Variants in WDR33 observed in about 807,000 individuals in gnomAD.
WDR33 encodes pre-mRNA 3' end processing protein WDR33.
In WDR33, 47 loss-of-function variants were observed where a neutral mutation model predicts 164.9. That is an observed-to-expected ratio of 0.29 (90% CI 0.23 to 0.36). The LOEUF (loss-of-function observed/expected upper bound fraction) is 0.36, where lower values mean the gene tolerates loss of function less well. Ranked by LOEUF, WDR33 falls within the 10% of genes least tolerant of loss-of-function variation. The pLI, the probability that WDR33 is intolerant of heterozygous loss-of-function variation, is 1.00. For missense variants in WDR33, 1,137 were observed against 1,754.1 expected, an observed-to-expected ratio of 0.65 and a Z score of 6.28; for synonymous variants, 505 against 589.0, an observed-to-expected ratio of 0.86 and a Z score of 2.06.
intron 7 of WDR33, among the ~76,000 whole-genome samples, chr2:127,749,594 G>A (rs1267258686): frequency 3.3e-5 from 5 of 150,992 alleles, no homozygotes; most frequent in Non-Finnish European, 5.9e-5. Context: ...CCAGGGAGGC[G>A]GAGATTGCAG....
At chr2:127,758,655 G>A (rs917434959) in intron 7 of WDR33, among the ~76,000 whole-genome samples, 1 of 152,098 alleles carries the variant, frequency 6.6e-6, no homozygotes, top group Non-Finnish European at 1.5e-5. Context: ...GGCTGTGGGA[G>A]AAAATTAAAA....
Position 127,726,628 on chromosome 2 carries a change from A to G in WDR33, c.851+23T>C. The G allele has an allele frequency of 6.2e-7, 1 of 1,613,182 alleles. No individual in the cohort carries two copies. Among genetic ancestry groups the G allele is most frequent in the Non-Finnish European group, 8.5e-7 (1 of 1,179,522 alleles). ...CTTTGCTCCCCTTTGTTCAGGGGCC[A>G]AGGTGGGGTTCCTGTCACTTACAGT... On this transcript the variant is annotated intron_variant, in intron 8 of 21. Coordinates refer to ENST00000322313, the MANE Select transcript of WDR33 (RefSeq NM_018383.5). This position sits in a 1 kb window ranked among gnomAD's most constrained non-coding sequence, Gnocchi z 4.8.
Position 127,713,773 on chromosome 2 carries a change from G to C in WDR33, c.3118C>G (p.Pro1040Ala). 2 of 1,614,272 alleles carry C rather than the reference G, an allele frequency of 1.2e-6. No homozygotes were observed. Among genetic ancestry groups the C allele is most frequent in the Non-Finnish European group, 1.7e-6 (2 of 1,180,052 alleles). ...REFEGRGGPLPQEEKWRRGGP... is the reference protein window; with the variant it reads ...REFEGRGGPLAQEEKWRRGGP... ...CCTCGCCTCCACTTCTCTTCTTGCG[G>C]TAAAGGTCCTCCTCGCCCCTCAAAT... The change falls in exon 18 of 22, where the codon CCG becomes GCG. Residue 1040 changes from proline (P) to alanine (A), a missense_variant. By Grantham distance (27) the Pro-to-Ala change is conservative (BLOSUM62 -1). This residue lies in a region of WDR33 where 867 missense variants were observed against 1,073.0 expected (regional missense o/e 0.81). Transcript: ENST00000322313. This position sits in a 1 kb window ranked among gnomAD's most constrained non-coding sequence, Gnocchi z 6.2.
At chr2:127,731,594 A>G (rs987127721) in intron 7 of WDR33, among the ~76,000 whole-genome samples, 6 of 152,220 alleles carry the variant, frequency 3.9e-5, no homozygotes, top group African/African-American at 1.4e-4. Context: ...AATAACCTAA[A>G]CATGAATCAA....
Position 127,704,109 on chromosome 2 carries a change from G to A in WDR33, c.*2214C>T, listed in dbSNP as rs1358647587. The A allele has an allele frequency of 3.0e-5, 5 of 166,564 alleles. No individual in the cohort carries two copies. The highest frequency in any genetic ancestry group is 4.2e-4 in the South Asian group (2 of 4,804). The allele number at this position is 166,564 out of a possible 1,614,324, so 10.3% of individuals were successfully genotyped here. A position where few individuals can be genotyped will look rare whatever the true frequency, so the allele number is the denominator to read the frequency against. ...ACTGCACCACAGCCTAGGCAACAGCGAGACCTTGTCTCAAAAATTTTTTCT... is the reference window on the plus strand; with the variant it reads ...ACTGCACCACAGCCTAGGCAACAGCAAGACCTTGTCTCAAAAATTTTTTCT... On this transcript the variant is annotated 3_prime_UTR_variant, in exon 22 of 22. Coordinates refer to ENST00000322313, the MANE Select transcript of WDR33 (RefSeq NM_018383.5).
intron 1 of WDR33, among the ~76,000 whole-genome samples, chr2:127,794,929 C>T (rs1363169688): frequency 1.3e-5 from 2 of 151,010 alleles, no homozygotes; most frequent in Non-Finnish European, 2.9e-5. Context: ...GAGGCTGAGG[C>T]GGGAGGATCA....
rs1685928494 is a variant in WDR33 at position 127,702,900 on chromosome 2, A to G, written c.*3423T>C. 6.0e-6 allele frequency: 1 copy of G among 166,584 alleles called. No individual in the cohort carries two copies. The highest frequency in any genetic ancestry group is 2.1e-4 in the South Asian group (1 of 4,794). The allele number at this position is 166,584 out of a possible 1,614,324, so 10.3% of individuals were successfully genotyped here. A position where few individuals can be genotyped will look rare whatever the true frequency, so the allele number is the denominator to read the frequency against. ...CGGTCTCTTCGGAAATCCTGCAAAT[A>G]GAAAGATAATTCTAGATCCGGAATA... is the stretch of plus-strand genomic sequence containing the variant. On this transcript the variant is annotated 3_prime_UTR_variant, in exon 22 of 22. Coordinates refer to ENST00000322313, the MANE Select transcript of WDR33 (RefSeq NM_018383.5).
chr2:127,743,534 A>C (rs1203407628), intron 7 of WDR33, among the ~76,000 whole-genome samples: 1 of 152,182 alleles, frequency 6.6e-6, no homozygotes, highest in Non-Finnish European at 1.5e-5. Context: ...CATTGTTTAG[A>C]ATTTTAAAAT....
At chr2:127,756,382 AAAAAAAACC>A (rs1687521657) in intron 7 of WDR33, among the ~76,000 whole-genome samples, 1 of 151,918 alleles carries the variant, frequency 6.6e-6, no homozygotes, top group African/African-American at 2.4e-5. Flanking sequence ...TACTATGAAA[AAAAAAAACC>A]AAACCCAGTA....
At chr2:127,729,151 C>T (rs1686641669) in intron 7 of WDR33, among the ~76,000 whole-genome samples, 1 of 152,206 alleles carries the variant, frequency 6.6e-6, no homozygotes, top group Non-Finnish European at 1.5e-5. Flanking sequence ...AAAACGAATA[C>T]TAGCAAGCAC....
At chr2:127,758,124 T>C (rs529920873) in intron 7 of WDR33, among the ~76,000 whole-genome samples, 2 of 152,348 alleles carry the variant, frequency 1.3e-5, no homozygotes, top group South Asian at 4.1e-4. Flanking sequence ...ATAGCTGTGT[T>C]TTAATATTTT....
At position 127,714,960 on chromosome 2, in the gene WDR33, A is replaced by G. The variant is rs757461591; in HGVS notation, c.2870-939T>C. On this transcript the variant is annotated intron_variant, in intron 17 of 21. Transcript: ENST00000322313. This position sits in a 1 kb window ranked among gnomAD's most constrained non-coding sequence, Gnocchi z 4.3. ...GTGTTTTTAAAGTGAAATTCCTCCA[A>G]TAGCCCAGTTCATGCCTTTTACTGC... 2.0e-5 allele frequency among the ~76,000 whole-genome samples: 3 copies of G among 152,150 alleles called. No individual in the cohort carries two copies. Among genetic ancestry groups the G allele is most frequent in the Non-Finnish European group, 4.4e-5 (3 of 68,030 alleles).
At position 127,810,500 on chromosome 2, in the gene WDR33, A is replaced by G. The variant is rs573400976; in HGVS notation, c.-24+512T>C. ...GGGATCTAGCACAAACCAAATAGAA[A>G]TACAACTATTCCAAAAAAGCAGGGC... On this transcript the variant is annotated intron_variant, in intron 1 of 21. Transcript: ENST00000322313. Among the ~76,000 whole-genome samples the G allele has an allele frequency of 6.2e-4, 95 of 152,348 alleles. 1 individual carries two copies. The highest frequency in any genetic ancestry group is 5.7e-3 in the Admixed American group (87 of 15,306).
Position 127,723,361 on chromosome 2 carries a change from T to C in WDR33, c.1197-14A>G. The C allele has an allele frequency of 1.2e-6, 2 of 1,611,230 alleles. No individual in the cohort carries two copies. Among genetic ancestry groups the C allele is most frequent in the Non-Finnish European group, 1.7e-6 (2 of 1,178,188 alleles). On this transcript the variant is annotated splice_polypyrimidine_tract_variant and intron_variant, in intron 11 of 21. Coordinates refer to ENST00000322313, the MANE Select transcript of WDR33 (RefSeq NM_018383.5). This position sits in a 1 kb window ranked among gnomAD's most constrained non-coding sequence, Gnocchi z 5.9. ...GTCCAGAATTTGCTGTAAAAATAAT[T>C]AAAGGAGAAAAGAAGCATGGCTTCA...
At position 127,718,296 on chromosome 2, in the gene WDR33, C is replaced by T. The variant is rs1025234966; in HGVS notation, c.2760+969G>A. Among the ~76,000 whole-genome samples the T allele has an allele frequency of 5.3e-5, 8 of 152,118 alleles. No individual in the cohort carries two copies. Among genetic ancestry groups the T allele is most frequent in the Non-Finnish European group, 1.0e-4 (7 of 68,032 alleles). ...TTTCTACATCTGTAGCATCCCCTTT[C>T]TCCAAGTGTCTCAGGGAGTCAACAT... On this transcript the variant is annotated intron_variant, in intron 16 of 21. Coordinates refer to ENST00000322313, the MANE Select transcript of WDR33 (RefSeq NM_018383.5). The surrounding 1 kb of genome is among the most constrained non-coding windows in gnomAD (Gnocchi z 4.4).
intron 1 of WDR33, among the ~76,000 whole-genome samples, chr2:127,775,684 A>G (rs902248725): frequency 5.3e-5 from 8 of 152,234 alleles, no homozygotes; most frequent in African/African-American, 1.7e-4. Flanking sequence ...GGAATAATTC[A>G]CACGTTAAAG....
rs1017945871 is a variant in WDR33, at chr2:127,735,032, G to A, written c.725-8255C>T. On this transcript the variant is annotated intron_variant, in intron 7 of 21. Coordinates refer to ENST00000322313, the MANE Select transcript of WDR33 (RefSeq NM_018383.5). The surrounding 1 kb of genome is among the most constrained non-coding windows in gnomAD (Gnocchi z 4.3). The stretch of plus-strand genomic sequence containing the variant: ...AAGAATAACATGATAAATGGATTAG[G>A]TATTAGATATTTGGTGAACAGACAT... Among the ~76,000 whole-genome samples the A allele has an allele frequency of 6.6e-6, 1 of 152,188 alleles. No homozygotes were observed. The highest frequency in any genetic ancestry group is 2.4e-5 in the African/African-American group (1 of 41,440).
intron 7 of WDR33, among the ~76,000 whole-genome samples, chr2:127,747,394 T>A (rs1687196914): frequency 6.6e-6 from 1 of 151,966 alleles, no homozygotes; most frequent in South Asian, 2.1e-4. Flanking sequence ...TTATCCTCAG[T>A]TTGGTCCAAA....
intron 7 of WDR33, among the ~76,000 whole-genome samples, chr2:127,729,277 T>C (rs1423399779): frequency 1.3e-5 from 2 of 152,228 alleles, no homozygotes; most frequent in Non-Finnish European, 2.9e-5. Context: ...ACTGATGATA[T>C]GGGGCAGAGC....
Sources: allele counts gnomAD v4.1 joint callset (sites outside exome capture counted in the v4.1 genomes callset), GRCh38; gene constraint gnomAD v4.1.1; regional missense constraint gnomAD v4.1.1; non-coding constraint Gnocchi (gnomAD v3.1); transcripts MANE v1.5; gene names NCBI Gene and HGNC (gene_info 2026-07-23, HGNC 2026-07-21).